Variants in XYLT1 observed in about 807,000 individuals in gnomAD.
XYLT1 encodes beta-D-xylosyltransferase 1.
Under a neutral mutation model 91.3 loss-of-function variants are expected in XYLT1, and 36 were observed. The ratio of observed to expected loss-of-function variants is 0.39; its 90% CI spans 0.30 to 0.52. XYLT1 has a LOEUF of 0.52. Ranked by LOEUF, XYLT1 falls within the 20% of genes least tolerant of loss-of-function variation. XYLT1 has a pLI of 0.68. For synonymous variants in XYLT1, 588 were observed against 532.0 expected, an observed-to-expected ratio of 1.11 and a Z score of -1.45; for missense variants, 1,242 against 1,284.5, an observed-to-expected ratio of 0.97 and a Z score of 0.51.
chr16:17,156,350 C>T (rs773292775), intron 6 of XYLT1, among the ~76,000 whole-genome samples: 2 of 152,208 alleles, frequency 1.3e-5, no homozygotes, highest in African/African-American at 2.4e-5. Flanking sequence ...ACAATGGGCT[C>T]CTTTCTCGAG....
At chr16:17,178,997 A>T (rs1321462185) in intron 5 of XYLT1, among the ~76,000 whole-genome samples, 2 of 151,820 alleles carry the variant, frequency 1.3e-5, no homozygotes, top group Non-Finnish European at 2.9e-5. Flanking sequence ...TGAGCCTGGG[A>T]GGTCAGGGCT....
intron 5 of XYLT1, among the ~76,000 whole-genome samples, chr16:17,177,362 T>C (rs1597171185): frequency 6.6e-6 from 1 of 152,166 alleles, no homozygotes; most frequent in Non-Finnish European, 1.5e-5. Flanking sequence ...CCTGGTCCTT[T>C]AGAAGAGAAG....
chr16:17,153,027 TA>T (rs1421350644), intron 6 of XYLT1, among the ~76,000 whole-genome samples: 7 of 151,964 alleles, frequency 4.6e-5, no homozygotes, highest in African/African-American at 9.7e-5. Context: ...TTATTGAACA[TA>T]AGAGTTATTG....
intron 1 of XYLT1, among the ~76,000 whole-genome samples, chr16:17,451,709 C>T (rs1357059488): frequency 2.6e-5 from 4 of 152,140 alleles, no homozygotes; most frequent in Non-Finnish European, 4.4e-5. Context: ...TTCCCATTTC[C>T]GCTGTGGAGT....
chr16:17,286,695 C>T (rs1278433762), intron 2 of XYLT1, among the ~76,000 whole-genome samples: 1 of 152,218 alleles, frequency 6.6e-6, no homozygotes, highest in Non-Finnish European at 1.5e-5. Context: ...TCATCCCCAT[C>T]CTTGTTGTAA....
At chr16:17,219,857 C>T (rs1156507233) in intron 3 of XYLT1, among the ~76,000 whole-genome samples, 4 of 152,030 alleles carry the variant, frequency 2.6e-5, no homozygotes, top group South Asian at 2.1e-4. Context: ...GGTGAAACTC[C>T]GTCTCTACTA....
At chr16:17,443,351 C>T (rs990126420) in intron 1 of XYLT1, among the ~76,000 whole-genome samples, 1 of 152,114 alleles carries the variant, frequency 6.6e-6, no homozygotes. Context: ...ATCCCCGTGT[C>T]GAGGGAGGGA....
rs180825355 is a variant in XYLT1 at position 17,269,819 on chromosome 16, A to G, written c.403-10321T>C. Among the ~76,000 whole-genome samples the G allele has an allele frequency of 4.2e-3, 621 of 148,662 alleles. 2 individuals are homozygous for G. Among genetic ancestry groups the G allele is most frequent in the Middle Eastern group, 0.01 (3 of 286 alleles). On this transcript the variant is annotated intron_variant, in intron 2 of 11. Coordinates refer to ENST00000261381, the MANE Select transcript of XYLT1 (RefSeq NM_022166.4). ...TATTATTATTATTATTATTATTATT[A>G]TCATTATTTTGAGATGGAGTCTCCC...
intron 1 of XYLT1, among the ~76,000 whole-genome samples, chr16:17,427,199 A>G (rs2036329831): frequency 6.6e-6 from 1 of 152,238 alleles, no homozygotes; most frequent in Admixed American, 6.5e-5. Flanking sequence ...AAGGGACGAT[A>G]GCACCACCAT....
Position 17,230,874 on chromosome 16 carries a change from C to T in XYLT1, c.913+28114G>A, listed in dbSNP as rs550849287. On this transcript the variant is annotated intron_variant, in intron 3 of 11. Coordinates refer to ENST00000261381, the MANE Select transcript of XYLT1 (RefSeq NM_022166.4). ...CTGGAGACATTTTTCATTGCCACAA[C>T]TGGGTGACCCTGTACTACCGGCACC... is the stretch of plus-strand genomic sequence containing the variant. 3.2e-4 allele frequency among the ~76,000 whole-genome samples: 49 copies of T among 152,298 alleles called. No homozygotes were observed. In the South Asian group the frequency reaches 9.5e-3, roughly 30 times the overall value.
intron 2 of XYLT1, among the ~76,000 whole-genome samples, chr16:17,293,773 G>T (rs2034267157): frequency 6.6e-6 from 1 of 152,174 alleles, no homozygotes; most frequent in Admixed American, 6.5e-5. Flanking sequence ...ACAGGCGTGA[G>T]CCACCACGCC....
intron 1 of XYLT1, among the ~76,000 whole-genome samples, chr16:17,383,475 A>G (rs2035706921): frequency 2.0e-5 from 3 of 151,858 alleles, no homozygotes; most frequent in Non-Finnish European, 4.4e-5. Flanking sequence ...TCCTTGTGGC[A>G]GGGGCTGGGT....
chr16:17,202,247 C>T (rs766819868), intron 3 of XYLT1, among the ~76,000 whole-genome samples: 2 of 152,134 alleles, frequency 1.3e-5, no homozygotes, highest in Admixed American at 6.5e-5. Context: ...GCATCTAAAC[C>T]GGGAGAACTG....
At chr16:17,410,875 C>G (rs1296337033) in intron 1 of XYLT1, among the ~76,000 whole-genome samples, 4 of 152,168 alleles carry the variant, frequency 2.6e-5, no homozygotes, top group African/African-American at 9.7e-5. Flanking sequence ...CTCTTGACCT[C>G]AAGCCATCTG....
intron 3 of XYLT1, among the ~76,000 whole-genome samples, chr16:17,214,531 A>G (rs1162936198): frequency 6.6e-6 from 1 of 152,180 alleles, no homozygotes; most frequent in Non-Finnish European, 1.5e-5. Flanking sequence ...CCAAGAGCAT[A>G]ACAAGTGATG....
At chr16:17,115,909 G>A (rs1379627570) in intron 11 of XYLT1, among the ~76,000 whole-genome samples, 1 of 142,808 alleles carries the variant, frequency 7.0e-6, no homozygotes, top group African/African-American at 2.6e-5. Flanking sequence ...TAGGGGAACA[G>A]ATAGATTGTG....
chr16:17,257,680 G>A (rs1226143307), intron 3 of XYLT1, among the ~76,000 whole-genome samples: 1 of 152,066 alleles, frequency 6.6e-6, no homozygotes, highest in Non-Finnish European at 1.5e-5. Flanking sequence ...GAGTGGGTCC[G>A]AAATTTCCTG....
chr16:17,400,316 C>A (rs564310120), intron 1 of XYLT1, among the ~76,000 whole-genome samples: 4 of 152,172 alleles, frequency 2.6e-5, no homozygotes, highest in Non-Finnish European at 4.4e-5. Flanking sequence ...AGGGGCTGGG[C>A]GCCATGGCTC....
intron 9 of XYLT1, among the ~76,000 whole-genome samples, chr16:17,128,529 G>A (rs1247680104): frequency 1.3e-5 from 2 of 152,180 alleles, no homozygotes; most frequent in African/African-American, 2.4e-5. Flanking sequence ...CTGTTTAAAT[G>A]TCTGAGGCTC....
Sources: allele counts gnomAD v4.1 joint callset (sites outside exome capture counted in the v4.1 genomes callset), GRCh38; gene constraint gnomAD v4.1.1; transcripts MANE v1.5; gene names NCBI Gene and HGNC (gene_info 2026-07-23, HGNC 2026-07-21).